COG5: variants seen among roughly 807,000 people sequenced by gnomAD.
COG5 encodes the protein component of oligomeric golgi complex 5.
COG5 carries 86 observed loss-of-function variants against 110.4 expected under a neutral mutation model. That is an observed-to-expected ratio of 0.78 (90% CI 0.65 to 0.93). COG5 has a LOEUF of 0.93. COG5 is among the 40% of genes least tolerant of loss of function. The pLI, the probability that COG5 is intolerant of heterozygous loss-of-function variation, is 0.00. For missense variants in COG5, 1,077 were observed against 987.0 expected (o/e 1.09, Z -1.22); for synonymous variants, 360 against 334.6 (o/e 1.08, Z -0.83).
intron 16 of COG5, among the ~76,000 whole-genome samples, chr7:107,250,978 A>G (rs1403344951): frequency 1.3e-5 from 2 of 152,052 alleles, no homozygotes; most frequent in African/African-American, 4.8e-5. Flanking sequence ...TCGGCAGGGA[A>G]AAAGGCCTCA....
chr7:107,504,254 AT>A (rs1402383861), intron 6 of COG5, among the ~76,000 whole-genome samples: 2 of 152,166 alleles, frequency 1.3e-5, no homozygotes, highest in Non-Finnish European at 2.9e-5. Context: ...TATTGAGATG[AT>A]CATATAGTTT....
In COG5 at chr7:107,240,475, G is replaced by A. The variant is rs1046395750; in HGVS notation, c.1854-3788C>T. 3.9e-5 allele frequency among the ~76,000 whole-genome samples: 6 copies of A among 152,162 alleles called. No individual in the cohort carries two copies. The East Asian group carries it at 5.8e-4, about 15-fold the overall frequency. On this transcript the variant is annotated intron_variant, in intron 17 of 21. Transcript: ENST00000297135. ...AAGTGATCTGCCTGCCTCGGCCTCCGAAAGTGCTGGGATTACAGGCGTGAG... is the reference window on the plus strand; with the variant it reads ...AAGTGATCTGCCTGCCTCGGCCTCCAAAAGTGCTGGGATTACAGGCGTGAG...
At chr7:107,451,434 G>C (rs796141152) in intron 6 of COG5, among the ~76,000 whole-genome samples, 13 of 152,262 alleles carry the variant, frequency 8.5e-5, no homozygotes, top group African/African-American at 3.1e-4. Context: ...CCATGTTACA[G>C]GCGCTGAAAC....
chr7:107,342,756 T>C (rs550711437), intron 10 of COG5, among the ~76,000 whole-genome samples: 2 of 152,284 alleles, frequency 1.3e-5, no homozygotes, highest in East Asian at 3.9e-4. Flanking sequence ...GGAATGTTTA[T>C]ACGTTGCTTC....
chr7:107,508,771 A>C (rs1043556895), intron 6 of COG5, among the ~76,000 whole-genome samples: 5 of 152,170 alleles, frequency 3.3e-5, no homozygotes, highest in Non-Finnish European at 7.3e-5. Flanking sequence ...ACCGCTGCTG[A>C]TACCCAGGCA....
At chr7:107,376,006 T>C (rs904881947) in intron 7 of COG5, among the ~76,000 whole-genome samples, 4 of 151,970 alleles carry the variant, frequency 2.6e-5, no homozygotes, top group African/African-American at 9.7e-5. Flanking sequence ...CAATGTGAAA[T>C]AGGAGTCAAG....
chr7:107,326,611 AC>A (rs989473936), intron 10 of COG5, among the ~76,000 whole-genome samples: 18 of 152,180 alleles, frequency 1.2e-4, no homozygotes, highest in Admixed American at 9.8e-4. Context: ...AAACTTGTAT[AC>A]TGAAAACTAC....
chr7:107,529,304 C>A (rs1486991512), intron 5 of COG5, among the ~76,000 whole-genome samples: 2 of 152,152 alleles, frequency 1.3e-5, no homozygotes, highest in Non-Finnish European at 2.9e-5. Flanking sequence ...CTAGGAACGT[C>A]GGTTGATGAT....
chr7:107,474,094 C>A lies in COG5; in HGVS notation c.538+53143G>T, dbSNP rs2129111900. 4 of 1,579,978 alleles carry A rather than the reference C, an allele frequency of 2.5e-6. No homozygotes were observed. The East Asian group carries it at 9.0e-5, about 36-fold the overall frequency. Reference sequence around the variant, plus strand: ...TTCTCCCATTCTGGAAATCAACATGCAGTCTGAATCTAACATTACAGTGCG... The same window carrying A: ...TTCTCCCATTCTGGAAATCAACATGAAGTCTGAATCTAACATTACAGTGCG... On this transcript the variant is annotated intron_variant, in intron 6 of 21. Transcript: ENST00000297135. This position sits in a 1 kb window ranked among gnomAD's most constrained non-coding sequence, Gnocchi z 5.7.
intron 6 of COG5, among the ~76,000 whole-genome samples, chr7:107,468,892 T>A (rs897938501): frequency 6.6e-6 from 1 of 151,996 alleles, no homozygotes; most frequent in East Asian, 1.9e-4. Context: ...CCAGCTGTTT[T>A]ATCTACTTAA....
intron 17 of COG5, among the ~76,000 whole-genome samples, chr7:107,237,019 C>T (rs1801247070): frequency 6.6e-6 from 1 of 152,214 alleles, no homozygotes; most frequent in Non-Finnish European, 1.5e-5. Context: ...CTCCCAGCCT[C>T]TCAATTCTCC....
intron 10 of COG5, among the ~76,000 whole-genome samples, chr7:107,334,282 GTAAGA>G (rs140058164): frequency 0.15 from 22,863 of 151,842 alleles, 2,201 homozygotes; most frequent in Non-Finnish European, 0.22. Flanking sequence ...ATTATGTTAA[GTAAGA>G]TAAGCCAGGA....
At chr7:107,532,737 T>C (rs887063445) in intron 5 of COG5, among the ~76,000 whole-genome samples, 1 of 152,138 alleles carries the variant, frequency 6.6e-6, no homozygotes, top group African/African-American at 2.4e-5. Flanking sequence ...TAGAATAATG[T>C]ATAATTATTC....
At chr7:107,416,209 G>A (rs921199681) in intron 6 of COG5, among the ~76,000 whole-genome samples, 3 of 151,762 alleles carry the variant, frequency 2.0e-5, no homozygotes, top group South Asian at 4.1e-4. Context: ...AATGTTCATA[G>A]TAGCACTGTT....
At chr7:107,452,782 G>T (rs1302250868) in intron 6 of COG5, among the ~76,000 whole-genome samples, 1 of 152,004 alleles carries the variant, frequency 6.6e-6, no homozygotes, top group African/African-American at 2.4e-5. Context: ...TTCTTTTCTT[G>T]TATTCCCCAT....
chr7:107,356,248 C>G (rs1423244406), intron 10 of COG5, among the ~76,000 whole-genome samples: 1 of 151,974 alleles, frequency 6.6e-6, no homozygotes, highest in East Asian at 1.9e-4. Context: ...AGCATTGAAA[C>G]CAAATGGTTT....
chr7:107,408,598 G>C (rs1792039853), intron 7 of COG5, among the ~76,000 whole-genome samples: 1 of 152,222 alleles, frequency 6.6e-6, no homozygotes, highest in African/African-American at 2.4e-5. Flanking sequence ...TTAGATGGCA[G>C]AGGCTGTACT....
intron 6 of COG5, among the ~76,000 whole-genome samples, chr7:107,479,082 T>C (rs1439602593): frequency 1.3e-5 from 2 of 152,026 alleles, no homozygotes; most frequent in Non-Finnish European, 2.9e-5. Context: ...TATTAAAAAG[T>C]ATGGCATTAC....
intron 12 of COG5, among the ~76,000 whole-genome samples, chr7:107,292,627 C>T (rs886608146): frequency 2.2e-4 from 33 of 152,134 alleles, no homozygotes; most frequent in African/African-American, 7.7e-4. Flanking sequence ...CTTAACAGGA[C>T]CCGTTTAGGA....
Sources: gnomAD v4.1 joint callset for allele counts (sites outside exome capture counted in the v4.1 genomes callset) on GRCh38, gnomAD v4.1.1 for gene constraint, Gnocchi (gnomAD v3.1) non-coding constraint, MANE v1.5 for transcripts, NCBI Gene and HGNC (gene_info 2026-07-23, HGNC 2026-07-21) for gene names.